Variants in ME1 observed in about 807,000 individuals in gnomAD.
ME1 encodes the protein malic enzyme 1, also known as NADP-dependent malic enzyme.
Under a neutral mutation model 66.4 loss-of-function variants are expected in ME1, and 74 were observed. The ratio of observed to expected loss-of-function variants is 1.11; its 90% CI spans 0.92 to 1.35. The LOEUF (loss-of-function observed/expected upper bound fraction) is 1.35, where lower values mean the gene tolerates loss of function less well. Ranked by LOEUF, ME1 falls within the 40% of genes most tolerant of loss-of-function variation. The probability of loss-of-function intolerance (pLI) is 0.00; values close to 1 mark genes in which losing one functional copy is unlikely to be tolerated. For synonymous variants in ME1, 251 were observed against 235.6 expected, an observed-to-expected ratio of 1.07 and a Z score of -0.60; for missense variants, 750 against 694.1, an observed-to-expected ratio of 1.08 and a Z score of -0.90.
intron 5 of ME1, among the ~76,000 whole-genome samples, chr6:83,341,222 A>G (rs6454321): frequency 0.32 from 48,815 of 152,026 alleles, 8,221 homozygotes; most frequent in Middle Eastern, 0.5. Flanking sequence ...TCCATACTGG[A>G]AGGGTAACAT....
rs1450238618 is a variant in ME1, at chr6:83,329,741, A to T, written c.601-14328T>A. ...CTTCATTTGTAAATTATCTGTGTCCATATGTCCTTAGGCAATTTGTATAGT... is the reference window on the plus strand; with the variant it reads ...CTTCATTTGTAAATTATCTGTGTCCTTATGTCCTTAGGCAATTTGTATAGT... On this transcript the variant is annotated intron_variant, in intron 5 of 13. Transcript: ENST00000369705. 6.6e-5 allele frequency among the ~76,000 whole-genome samples: 10 copies of T among 152,134 alleles called. 1 individual carries two copies. The highest frequency in any genetic ancestry group is 5.9e-4 in the Admixed American group (9 of 15,268).
intron 4 of ME1, among the ~76,000 whole-genome samples, chr6:83,348,553 G>C (rs1458846257): frequency 2.0e-5 from 3 of 151,992 alleles, no homozygotes; most frequent in African/African-American, 7.2e-5. Context: ...ATGCTTTCCA[G>C]ATTTCATCAA....
intron 2 of ME1, among the ~76,000 whole-genome samples, chr6:83,400,725 C>G (rs1481983358): frequency 6.6e-6 from 1 of 152,192 alleles, no homozygotes; most frequent in Non-Finnish European, 1.5e-5. Context: ...GATCATGTGG[C>G]TCTTCTGGTC....
intron 5 of ME1, among the ~76,000 whole-genome samples, chr6:83,333,648 C>T (rs1336267844): frequency 4.6e-5 from 7 of 152,064 alleles, no homozygotes; most frequent in Non-Finnish European, 7.4e-5. Flanking sequence ...TATGTTGGAG[C>T]ATTTCTATCT....
At chr6:83,235,470 AT>A (rs10691116) in intron 9 of ME1, among the ~76,000 whole-genome samples, 1,541 of 128,200 alleles carry the variant, frequency 0.012, 19 homozygotes, top group African/African-American at 0.037. Context: ...AGCAATAGCT[AT>A]TTTTTTTTTT....
chr6:83,321,237 C>A (rs1182338467), intron 5 of ME1, among the ~76,000 whole-genome samples: 3 of 152,196 alleles, frequency 2.0e-5, no homozygotes, highest in Admixed American at 2.0e-4. Flanking sequence ...GTCATTTGGG[C>A]AGACACCAAG....
intron 7 of ME1, among the ~76,000 whole-genome samples, chr6:83,252,655 A>C (rs1790744381): frequency 6.6e-6 from 1 of 152,146 alleles, no homozygotes; most frequent in Non-Finnish European, 1.5e-5. Flanking sequence ...TGGCAATATA[A>C]ATTTGCTAAT....
intron 6 of ME1, among the ~76,000 whole-genome samples, chr6:83,303,792 C>A (rs1767774164): frequency 6.6e-6 from 1 of 152,076 alleles, no homozygotes; most frequent in Admixed American, 6.6e-5. Flanking sequence ...ATCTTTATAT[C>A]TTTAAGCACA....
At chr6:83,339,520 CGTAT>C (rs1221455759) in intron 5 of ME1, among the ~76,000 whole-genome samples, 5 of 24,882 alleles carry the variant, frequency 2.0e-4, no homozygotes, top group Non-Finnish European at 2.6e-4. Flanking sequence ...CACATACACA[CGTAT>C]GTTTATTGCG....
At chr6:83,225,808 TTATATATA>T (rs57577563) in intron 11 of ME1, among the ~76,000 whole-genome samples, 193 of 138,030 alleles carry the variant, frequency 1.4e-3, no homozygotes, top group East Asian at 0.011. Flanking sequence ...GCCTGTAACA[TTATATATA>T]TATATATATA....
chr6:83,307,358 A>G (rs920120001), intron 6 of ME1, among the ~76,000 whole-genome samples: 1 of 152,044 alleles, frequency 6.6e-6, no homozygotes, highest in Non-Finnish European at 1.5e-5. Flanking sequence ...CAGAAACCTG[A>G]TTTGAGTCAT....
At chr6:83,393,078 G>A (rs758592268) in intron 3 of ME1, 56 of 1,447,934 alleles carry the variant, frequency 3.9e-5, no homozygotes, top group East Asian at 6.9e-5. Flanking sequence ...TGAGCTAAAC[G>A]GGAAGCTCAC....
chr6:83,330,814 A>G (rs1768392404), intron 5 of ME1, among the ~76,000 whole-genome samples: 1 of 152,186 alleles, frequency 6.6e-6, no homozygotes. Context: ...GATAAAATCT[A>G]TTAAGATCTT....
Position 83,239,525 on chromosome 6 carries a change from C to A in ME1, c.912+14G>T, listed in dbSNP as rs2273135. The A allele has an allele frequency of 4.5e-6, 7 of 1,567,840 alleles. No individual in the cohort carries two copies. The highest frequency in any genetic ancestry group is 6.1e-6 in the Non-Finnish European group (7 of 1,139,110). ...TTAGTTTAGGAGAACATAAGTATTA[C>A]ACAAGGCAAATACCTCTCCAGCTCC... On this transcript the variant is annotated intron_variant, in intron 8 of 13. Coordinates refer to ENST00000369705, the MANE Select transcript of ME1 (RefSeq NM_002395.6).
At chr6:83,317,134 A>G (rs1484759831) in intron 5 of ME1, among the ~76,000 whole-genome samples, 1 of 152,178 alleles carries the variant, frequency 6.6e-6, no homozygotes, top group Admixed American at 6.6e-5. Flanking sequence ...TCAGTTTGTG[A>G]GCAAAATTGA....
rs147996797 is a variant in ME1, at chr6:83,252,431, C to G, written c.814+1198G>C. On this transcript the variant is annotated intron_variant, in intron 7 of 13. Transcript: ENST00000369705. ...CTTCCCACCTCAGCCTCCCGAGTATCTGGGACTACAGGCACACACCATCAT... is the reference window on the plus strand; with the variant it reads ...CTTCCCACCTCAGCCTCCCGAGTATGTGGGACTACAGGCACACACCATCAT... 1.4e-4 allele frequency among the ~76,000 whole-genome samples: 21 copies of G among 152,218 alleles called. No homozygotes were observed. The East Asian group carries it at 3.5e-3, about 25-fold the overall frequency.
At chr6:83,218,559 G>A (rs568591037) in intron 12 of ME1, among the ~76,000 whole-genome samples, 77 of 152,118 alleles carry the variant, frequency 5.1e-4, no homozygotes, top group Non-Finnish European at 8.8e-4. Context: ...AAGGTCAAGC[G>A]GCCATAGCAG....
intron 1 of ME1, among the ~76,000 whole-genome samples, chr6:83,424,716 A>G (rs1562010879): frequency 6.6e-6 from 1 of 152,204 alleles, no homozygotes; most frequent in East Asian, 1.9e-4. Flanking sequence ...GAAGTATATC[A>G]TTAGTTTGCT....
chr6:83,389,874 C>A (rs1375762038), intron 3 of ME1, among the ~76,000 whole-genome samples: 3 of 152,006 alleles, frequency 2.0e-5, no homozygotes, highest in Non-Finnish European at 4.4e-5. Context: ...GATTGCACTA[C>A]CAAATACTGG....
Sources: gnomAD v4.1 joint callset for allele counts (sites outside exome capture counted in the v4.1 genomes callset) on GRCh38, gnomAD v4.1.1 for gene constraint, MANE v1.5 for transcripts, NCBI Gene and HGNC (gene_info 2026-07-23, HGNC 2026-07-21) for gene names.